The following PCDHGB7 variants were observed in gnomAD, a reference collection of about 807,000 sequenced individuals.
PCDHGB7 encodes the protein protocadherin gamma-B7.
In PCDHGB7, 37 loss-of-function variants were observed where a neutral mutation model predicts 61.4. The ratio of observed to expected loss-of-function variants is 0.60; its 90% CI spans 0.46 to 0.79. The LOEUF (loss-of-function observed/expected upper bound fraction) is 0.79. Ranked by LOEUF, PCDHGB7 falls within the 30% of genes least tolerant of loss-of-function variation. The pLI, the probability that PCDHGB7 is intolerant of heterozygous loss-of-function variation, is 0.00. For missense variants in PCDHGB7, 1,166 were observed against 1,202.5 expected (o/e 0.97, Z 0.45); for synonymous variants, 464 against 503.5 (o/e 0.92, Z 1.05).
rs753538822 is a variant in PCDHGB7, at chr5:141,476,676, G to C, written c.2416-18131G>C. 6 of 1,614,222 alleles carry C rather than the reference G, an allele frequency of 3.7e-6. No individual in the cohort carries two copies. Among genetic ancestry groups the C allele is most frequent in the Non-Finnish European group, 4.2e-6 (5 of 1,180,054 alleles). ...TACTTTGCGCTTCGCGTGCAGACGCGGGAGGACAGCACCAAGTACGCGGAG... is the reference window on the plus strand; with the variant it reads ...TACTTTGCGCTTCGCGTGCAGACGCCGGAGGACAGCACCAAGTACGCGGAG... On this transcript the variant is annotated intron_variant, in intron 1 of 3. Transcript: ENST00000398594. The surrounding 1 kb of genome is among the most constrained non-coding windows in gnomAD (Gnocchi z 7.6).
intron 1 of PCDHGB7, among the ~76,000 whole-genome samples, chr5:141,459,014 T>C (rs1429233660): frequency 6.6e-6 from 1 of 152,240 alleles, no homozygotes; most frequent in East Asian, 1.9e-4. Context: ...ATTACAGGCA[T>C]GAGCCACCAC....
chr5:141,498,009 C>A (rs1160103624), intron 2 of PCDHGB7, among the ~76,000 whole-genome samples: 1 of 152,146 alleles, frequency 6.6e-6, no homozygotes, highest in Non-Finnish European at 1.5e-5. Context: ...TTACAGTGCA[C>A]TGAAGGAGAC....
intron 2 of PCDHGB7, among the ~76,000 whole-genome samples, chr5:141,501,476 A>T (rs1274017343): frequency 3.3e-5 from 5 of 152,044 alleles, no homozygotes; most frequent in Admixed American, 3.3e-4. Context: ...ATCCTGGAAG[A>T]GTCCCTCATA....
chr5:141,491,823 C>T lies in PCDHGB7; in HGVS notation c.2416-2984C>T, dbSNP rs1242708273. On this transcript the variant is annotated intron_variant, in intron 1 of 3. Transcript: ENST00000398594. The surrounding 1 kb of genome is among the most constrained non-coding windows in gnomAD (Gnocchi z 6.9). ...GCCGGCTTGGTCGCTGGCTGCGCTC[C>T]ACCCGATTCTCGGGATCATTGGACC... The T allele has an allele frequency of 2.7e-6, 4 of 1,479,038 alleles. No homozygotes were observed. Among genetic ancestry groups the T allele is most frequent in the Non-Finnish European group, 3.6e-6 (4 of 1,115,300 alleles). 91.6% of individuals were successfully genotyped at this position (1,479,038 alleles called of 1,614,324 possible).
chr5:141,457,466 A>C (rs1404739941), intron 1 of PCDHGB7, among the ~76,000 whole-genome samples: 1 of 152,356 alleles, frequency 6.6e-6, no homozygotes, highest in East Asian at 1.9e-4. Context: ...ATTCACAGGA[A>C]TAAGCAGGGC....
chr5:141,423,877 C>A, intron 1 of PCDHGB7: 1 of 1,283,890 alleles, frequency 7.8e-7, no homozygotes, highest in Non-Finnish European at 9.9e-7. Flanking sequence ...ATTTTTCAAT[C>A]TTGGCATATT....
chr5:141,495,424 A>G (rs927637242), intron 2 of PCDHGB7, among the ~76,000 whole-genome samples: 2 of 152,088 alleles, frequency 1.3e-5, no homozygotes, highest in Non-Finnish European at 2.9e-5. Flanking sequence ...CCCTCCTCCC[A>G]CTGTCCTCTG....
rs372326132 is a variant in PCDHGB7 at position 141,486,185 on chromosome 5, G to A, written c.2416-8622G>A. On this transcript the variant is annotated intron_variant, in intron 1 of 3. Coordinates refer to ENST00000398594, the MANE Select transcript of PCDHGB7 (RefSeq NM_018927.4). The surrounding 1 kb of genome is among the most constrained non-coding windows in gnomAD (Gnocchi z 5.0). ...CATGGAGCAACATTGCAGCCTTCGAGTGGATCTGCTGGACGTAAATGACAA... is the reference window on the plus strand; with the variant it reads ...CATGGAGCAACATTGCAGCCTTCGAATGGATCTGCTGGACGTAAATGACAA... 42 of 1,614,108 alleles carry A rather than the reference G, an allele frequency of 2.6e-5. No homozygotes were observed. The highest frequency in any genetic ancestry group is 3.4e-5 in the Non-Finnish European group (40 of 1,180,048).
intron 3 of PCDHGB7, among the ~76,000 whole-genome samples, chr5:141,510,660 G>A (rs2099882170): frequency 1.3e-5 from 2 of 152,174 alleles, no homozygotes; most frequent in East Asian, 1.9e-4. Context: ...TTTTGCAGAT[G>A]AGAAAACTGA....
chr5:141,430,661 GCT>G, intron 1 of PCDHGB7: 1 of 1,159,744 alleles, frequency 8.6e-7, no homozygotes, highest in South Asian at 2.1e-5. Flanking sequence ...CAACGGAGGA[GCT>G]CTGACTTCCC....
chr5:141,478,163 C>G (rs779617960), intron 1 of PCDHGB7: 22 of 1,614,028 alleles, frequency 1.4e-5, no homozygotes, highest in Non-Finnish European at 1.9e-5. Context: ...TGGCTCTGCC[C>G]CCCGGGAGCA....
At position 141,431,245 on chromosome 5, in the gene PCDHGB7, C is replaced by A. The variant is rs761126985; in HGVS notation, c.2415+10971C>A. The A allele has an allele frequency of 5.0e-6, 8 of 1,614,016 alleles. No individual in the cohort carries two copies. In the Admixed American group the frequency reaches 1.2e-4, roughly 24 times the overall value. On this transcript the variant is annotated intron_variant, in intron 1 of 3. Coordinates refer to ENST00000398594, the MANE Select transcript of PCDHGB7 (RefSeq NM_018927.4). This position sits in a 1 kb window ranked among gnomAD's most constrained non-coding sequence, Gnocchi z 4.8. ...TACCCCACGCCTGGGATCCGGATAT[C>A]GGGAAGAACTCTCTGCAGAGCTACG... is the stretch of plus-strand genomic sequence containing the variant.
At chr5:141,426,898 C>T (rs1246109323) in intron 1 of PCDHGB7, 1 of 456,634 alleles carries the variant, frequency 2.2e-6, no homozygotes, top group African/African-American at 2.0e-5. Flanking sequence ...CAACAGAGCT[C>T]TCATCTCCTG....
chr5:141,506,471 C>T (rs2099854191), intron 3 of PCDHGB7, among the ~76,000 whole-genome samples: 2 of 148,834 alleles, frequency 1.3e-5, no homozygotes, highest in African/African-American at 5.0e-5. Flanking sequence ...AAAAAGAGCA[C>T]AGGCTTTAGA....
rs11410533 is a variant in PCDHGB7, at chr5:141,429,387, TAAAA to T, written c.2415+9118_2415+9121del. Among the ~76,000 whole-genome samples, 383 of 151,446 alleles carry T rather than the reference TAAAA, an allele frequency of 2.5e-3. 1 individual carries two copies. The highest frequency in any genetic ancestry group is 4.2e-3 in the South Asian group (20 of 4,786). ...AAATGGAGAAAATGTGTTTTTTTTT[TAAAA>T]AAAATTGAGATTAAGGTCTCATTAT... On this transcript the variant is annotated intron_variant, in intron 1 of 3. Transcript: ENST00000398594.
chr5:141,483,436 C>T, intron 1 of PCDHGB7, among the ~76,000 whole-genome samples: 1 of 152,198 alleles, frequency 6.6e-6, no homozygotes, highest in Non-Finnish European at 1.5e-5. Context: ...GAGCTGACTA[C>T]AATAAAATCA....
intron 1 of PCDHGB7, among the ~76,000 whole-genome samples, chr5:141,480,730 G>T (rs1261461187): frequency 6.6e-6 from 1 of 152,168 alleles, no homozygotes; most frequent in Non-Finnish European, 1.5e-5. Flanking sequence ...GTCTCTGGGG[G>T]TGGGACATAG....
At chr5:141,443,481 G>C (rs1025329476) in intron 1 of PCDHGB7, among the ~76,000 whole-genome samples, 3 of 152,114 alleles carry the variant, frequency 2.0e-5, no homozygotes, top group African/African-American at 7.2e-5. Context: ...ATTAGACCCT[G>C]TCCCAAAACA....
chr5:141,471,080 C>T (rs2099249652), intron 1 of PCDHGB7, among the ~76,000 whole-genome samples: 1 of 147,610 alleles, frequency 6.8e-6, no homozygotes, highest in African/African-American at 2.5e-5. Context: ...ACAGGGTCTC[C>T]CTCTGTTGTC....
Sources: allele counts gnomAD v4.1 joint callset (sites outside exome capture counted in the v4.1 genomes callset), GRCh38; gene constraint gnomAD v4.1.1; non-coding constraint Gnocchi (gnomAD v3.1); transcripts MANE v1.5; gene names NCBI Gene and HGNC (gene_info 2026-07-23, HGNC 2026-07-21).